The following DMBT1 variants were observed in gnomAD, a reference collection of about 807,000 sequenced individuals.
DMBT1 encodes the protein deleted in malignant brain tumors 1.
Under a neutral mutation model 252.9 loss-of-function variants are expected in DMBT1, and 198 were observed. The ratio of observed to expected loss-of-function variants is 0.78; its 90% CI spans 0.70 to 0.88. The LOEUF (loss-of-function observed/expected upper bound fraction) is 0.88, where lower values mean the gene tolerates loss of function less well. Ranked by LOEUF, DMBT1 falls within the 40% of genes least tolerant of loss-of-function variation. The pLI is 0.00. For missense variants in DMBT1, 2,432 were observed against 2,404.7 expected (o/e 1.01, Z -0.24); for synonymous variants, 990 against 942.7 (o/e 1.05, Z -0.92).
intron 42 of DMBT1, 107 bp from the exon 43 acceptor site, chr10:122,620,146 C>G: frequency 8.3e-7 from 1 of 1,211,778 alleles, no homozygotes; most frequent in South Asian, 1.2e-5. Flanking sequence ...GTGGCAGGAA[C>G]CAGAAATTGA....
intron 2 of DMBT1, among the ~76,000 whole-genome samples, chr10:122,567,492 C>T (rs2097606609): frequency 6.6e-6 from 1 of 152,122 alleles, no homozygotes; most frequent in South Asian, 2.1e-4. Context: ...CCTTTCCTCC[C>T]TCTGGGAGGA....
At chr10:122,617,917 G>C (rs899866015) in intron 40 of DMBT1, 100 bp from the exon 41 acceptor site, 4 of 1,561,204 alleles carry the variant, frequency 2.6e-6, no homozygotes, top group Non-Finnish European at 3.5e-6. Flanking sequence ...TGCTTGCCCA[G>C]GTGACTCTGG....
chr10:122,598,081 G>A, intron 25 of DMBT1, 69 bp downstream of exon 25: 1 of 1,608,090 alleles, frequency 6.2e-7, no homozygotes. Context: ...TTCTGAAAAT[G>A]ATAGGATGAG....
chr10:122,637,784 G>C (rs1484526574), intron 54 of DMBT1, among the ~76,000 whole-genome samples: 2 of 152,232 alleles, frequency 1.3e-5, no homozygotes, highest in African/African-American at 4.8e-5. Context: ...GCACATTGCA[G>C]TAGGCAGGGA....
At chr10:122,561,918 T>TCTCC in intron 1 of DMBT1, among the ~76,000 whole-genome samples, 1 of 151,880 alleles carries the variant, frequency 6.6e-6, no homozygotes, top group Admixed American at 6.6e-5. Context: ...TCTGTCTCTC[T>TCTCC]TTCTCTTCAA....
intron 4 of DMBT1, among the ~76,000 whole-genome samples, chr10:122,571,324 T>C (rs567956253): frequency 1.1e-4 from 16 of 152,300 alleles, no homozygotes; most frequent in Admixed American, 5.2e-4. Context: ...TGGAATCACC[T>C]TGTGGACTGG....
intron 52 of DMBT1, among the ~76,000 whole-genome samples, chr10:122,635,544 A>C (rs1171677323): frequency 6.6e-6 from 1 of 151,990 alleles, no homozygotes; most frequent in Non-Finnish European, 1.5e-5. Flanking sequence ...TTTTGTTTCA[A>C]TTTTTATTTT....
At chr10:122,567,903 A>G (rs1361641728) in intron 2 of DMBT1, among the ~76,000 whole-genome samples, 1 of 152,194 alleles carries the variant, frequency 6.6e-6, no homozygotes, top group Non-Finnish European at 1.5e-5. Flanking sequence ...ATATATTTGT[A>G]CTTTCTAAAG....
At chr10:122,635,131 T>C (rs1380030856) in intron 52 of DMBT1, among the ~76,000 whole-genome samples, 1 of 152,248 alleles carries the variant, frequency 6.6e-6, no homozygotes, top group Non-Finnish European at 1.5e-5. Context: ...GCAATGACCA[T>C]CACCATTTGT....
At chr10:122,578,363 G>A (rs185549863) in intron 8 of DMBT1, among the ~76,000 whole-genome samples, 30 of 152,284 alleles carry the variant, frequency 2.0e-4, no homozygotes, top group African/African-American at 7.0e-4. Flanking sequence ...TTTCCCCCAG[G>A]GCGGACCCCT....
intron 16 of DMBT1, 93 bp downstream of exon 16, chr10:122,586,476 C>T: frequency 2.0e-6 from 3 of 1,512,462 alleles, no homozygotes; most frequent in Non-Finnish European, 2.7e-6. Context: ...AGAGCTTTTT[C>T]AACTTTTCCT....
intron 39 of DMBT1, among the ~76,000 whole-genome samples, 193 bp from the exon 40 acceptor site, chr10:122,617,033 GTC>G (rs1255066216): frequency 7.0e-6 from 1 of 143,504 alleles, no homozygotes; most frequent in African/African-American, 2.7e-5. Context: ...GGAGGGCTCA[GTC>G]TGGTCTCCAG....
chr10:122,577,916 C>T, intron 8 of DMBT1, 76 bp downstream of exon 8: 1 of 1,491,420 alleles, frequency 6.7e-7, no homozygotes, highest in South Asian at 1.2e-5. Flanking sequence ...CCACAGAGCC[C>T]TCCTGCTTCT....
intron 5 of DMBT1, among the ~76,000 whole-genome samples, chr10:122,573,328 C>T (rs2097682716): frequency 6.6e-6 from 1 of 152,198 alleles, no homozygotes. Context: ...TCTGGTTGAA[C>T]CACCTTCTCA....
In DMBT1 at chr10:122,640,109, A is replaced by G; in HGVS notation, c.7012A>G (p.Arg2338Gly). ...TGTCTCAGGTGGCATCATCAAGAGG[A>G]GGACAGACCTCCGTATTCACGTCAG... is the stretch of plus-strand genomic sequence containing the variant. ...AAVSGGIIKR[R>G]TDLRIHVSCR... is the part of the protein sequence containing the mutation. The change falls in exon 55 of 56, where the codon AGG becomes GGG. Residue 2338 changes from arginine (R) to glycine (G), a missense_variant. Coordinates refer to ENST00000338354, the MANE Select transcript of DMBT1 (RefSeq NM_001377530.1). 1 of 1,614,058 alleles carries G rather than the reference A, an allele frequency of 6.2e-7. No individual in the cohort carries two copies. The highest frequency in any genetic ancestry group is 1.6e-4 in the Middle Eastern group (1 of 6,062).
chr10:122,585,320 C>T lies in DMBT1; in HGVS notation c.1459+11C>T. ...CTGCATCGACAGTAGGTAAATAATC[C>T]TCTCGCCCCTCCCTAGGGCTCACTC... On this transcript the variant is annotated intron_variant, in intron 15 of 55. Coordinates refer to ENST00000338354, the MANE Select transcript of DMBT1 (RefSeq NM_001377530.1). 1 of 1,584,838 alleles carries T rather than the reference C, an allele frequency of 6.3e-7. No homozygotes were observed. The highest frequency in any genetic ancestry group is 1.2e-5 in the South Asian group (1 of 86,764).
intron 52 of DMBT1, among the ~76,000 whole-genome samples, chr10:122,633,697 T>C (rs2098185741): frequency 6.6e-6 from 1 of 152,188 alleles, no homozygotes; most frequent in South Asian, 2.1e-4. Flanking sequence ...CACCTCACTG[T>C]TTACTGGGAA....
intron 26 of DMBT1, among the ~76,000 whole-genome samples, chr10:122,599,841 A>T (rs1295058102): frequency 6.6e-6 from 1 of 151,748 alleles, no homozygotes; most frequent in Non-Finnish European, 1.5e-5. Flanking sequence ...TACCCTGGGC[A>T]GACACAAGTT....
intron 6 of DMBT1, among the ~76,000 whole-genome samples, chr10:122,576,034 C>T (rs1050471754): frequency 1.3e-5 from 2 of 152,180 alleles, no homozygotes; most frequent in Non-Finnish European, 2.9e-5. Flanking sequence ...CCTCCCGGGA[C>T]ATCTTGATGT....
Sources: allele counts gnomAD v4.1 joint callset (sites outside exome capture counted in the v4.1 genomes callset), GRCh38; gene constraint gnomAD v4.1.1; transcripts MANE v1.5; gene names NCBI Gene and HGNC (gene_info 2026-07-23, HGNC 2026-07-21).